Variants in GLIS3 observed in about 807,000 individuals in gnomAD.
GLIS3 encodes zinc finger protein GLIS3.
GLIS3 carries 53 observed loss-of-function variants against 78.6 expected under a neutral mutation model. That is an observed-to-expected ratio of 0.67 (90% CI 0.54 to 0.85). The LOEUF (loss-of-function observed/expected upper bound fraction) is 0.85, where lower values mean the gene tolerates loss of function less well. Among genes scored for constraint, GLIS3 ranks in the 40% least tolerant of loss-of-function variants. The probability of loss-of-function intolerance (pLI) is 0.00; values close to 1 mark genes in which losing one functional copy is unlikely to be tolerated. For synonymous variants in GLIS3, 684 were observed against 509.9 expected (o/e 1.34, Z -4.60); for missense variants, 1,703 against 1,231.1 (o/e 1.38, Z -5.74).
At chr9:3,993,900 T>G (rs1372422573) in intron 4 of GLIS3, among the ~76,000 whole-genome samples, 1 of 152,110 alleles carries the variant, frequency 6.6e-6, no homozygotes, top group Non-Finnish European at 1.5e-5. Context: ...ACAAAGAAAA[T>G]TTTGCCTTAT....
intron 4 of GLIS3, among the ~76,000 whole-genome samples, chr9:4,079,792 G>A (rs1262940205): frequency 6.6e-6 from 1 of 150,716 alleles, no homozygotes; most frequent in Non-Finnish European, 1.5e-5. Context: ...ACAGGTTGCT[G>A]TAATCATTCA....
chr9:4,210,248 T>C (rs947209842), intron 2 of GLIS3, among the ~76,000 whole-genome samples: 2 of 152,238 alleles, frequency 1.3e-5, no homozygotes, highest in Non-Finnish European at 2.9e-5. Flanking sequence ...TTTTGCAATA[T>C]GTAAAGGATT....
the GLIS3 span, chr9:4,386,312 C>T: frequency 6.6e-6 from 1 of 152,036 alleles, no homozygotes; most frequent in East Asian, 1.9e-4. Context: ...ATTTTCATAG[C>T]CAAATCTTTT....
chr9:4,238,625 C>T (rs1050537278), intron 2 of GLIS3, among the ~76,000 whole-genome samples: 1 of 152,198 alleles, frequency 6.6e-6, no homozygotes, highest in Non-Finnish European at 1.5e-5. Context: ...AGTGTTCTCT[C>T]AGTTCTTCAT....
At chr9:4,069,554 T>C (rs1052523153) in intron 4 of GLIS3, among the ~76,000 whole-genome samples, 1 of 152,236 alleles carries the variant, frequency 6.6e-6, no homozygotes, top group African/African-American at 2.4e-5. Context: ...AGGTTTCTTT[T>C]TAACTTATCT....
chr9:4,227,133 C>A (rs1370265765), intron 2 of GLIS3, among the ~76,000 whole-genome samples: 2 of 152,108 alleles, frequency 1.3e-5, no homozygotes, highest in South Asian at 4.1e-4. Context: ...GAAGGAGGCA[C>A]TGGAGCCTCA....
At chr9:4,392,407 T>C in the GLIS3 span, among the ~76,000 whole-genome samples, 3 of 152,152 alleles carry the variant, frequency 2.0e-5, no homozygotes, top group Non-Finnish European at 2.9e-5. Context: ...TAAAATTACA[T>C]TTAAAAAATA....
chr9:4,125,370 G>C (rs16920719), intron 3 of GLIS3, among the ~76,000 whole-genome samples: 3,170 of 152,234 alleles, frequency 0.021, 61 homozygotes, highest in Middle Eastern at 0.041. Flanking sequence ...AAACCTGGCA[G>C]GTAAGATAGG....
intron 3 of GLIS3, among the ~76,000 whole-genome samples, chr9:4,121,822 C>G (rs1046881649): frequency 6.6e-6 from 1 of 152,212 alleles, no homozygotes; most frequent in Admixed American, 6.5e-5. Flanking sequence ...TAAAGTCACA[C>G]AAGCTACGAT....
chr9:4,073,246 C>G (rs1470165404), intron 4 of GLIS3, among the ~76,000 whole-genome samples: 1 of 152,176 alleles, frequency 6.6e-6, no homozygotes, highest in Non-Finnish European at 1.5e-5. Context: ...GCATAGAGCA[C>G]TGACGGCAAC....
At chr9:4,335,381 A>T (rs12350545) in intron 2 of GLIS3, among the ~76,000 whole-genome samples, 328 of 152,374 alleles carry the variant, frequency 2.2e-3, no homozygotes, top group African/African-American at 7.6e-3. Context: ...CAAATGGTTC[A>T]GTTAAAGTAA....
chr9:3,903,033 G>T (rs1489468478), intron 6 of GLIS3, among the ~76,000 whole-genome samples: 1 of 152,142 alleles, frequency 6.6e-6, no homozygotes, highest in Non-Finnish European at 1.5e-5. Flanking sequence ...CTTATGCAGG[G>T]ATGAATATGT....
intron 4 of GLIS3, among the ~76,000 whole-genome samples, chr9:4,052,305 C>A (rs1825800475): frequency 1.3e-5 from 2 of 152,122 alleles, no homozygotes; most frequent in African/African-American, 4.8e-5. Context: ...TCAAACATCA[C>A]AATTGGTTTA....
chr9:4,228,310 A>G (rs1707521151), intron 2 of GLIS3, among the ~76,000 whole-genome samples: 1 of 152,004 alleles, frequency 6.6e-6, no homozygotes, highest in Admixed American at 6.5e-5. Flanking sequence ...CACAACTGAC[A>G]AGGGAGTATA....
At chr9:4,109,627 G>T (rs1292258379) in intron 4 of GLIS3, among the ~76,000 whole-genome samples, 1 of 152,186 alleles carries the variant, frequency 6.6e-6, no homozygotes, top group Non-Finnish European at 1.5e-5. Flanking sequence ...TGCTACCTCA[G>T]TGATGCTACC....
chr9:4,056,898 CTTTTTTTTTTTT>C (rs34752011), intron 4 of GLIS3, among the ~76,000 whole-genome samples: 1 of 98,060 alleles, frequency 1.0e-5, no homozygotes, highest in Non-Finnish European at 2.0e-5. Context: ...CTTCAAGACA[CTTTTTTTTTTTT>C]TTTTTTTTTT....
the GLIS3 span, among the ~76,000 whole-genome samples, chr9:4,481,697 T>A: frequency 6.6e-6 from 1 of 152,202 alleles, no homozygotes; most frequent in African/African-American, 2.4e-5. Context: ...GACAGTTAAG[T>A]TGTTTCCAGC....
chr9:4,455,193 C>A, the GLIS3 span, among the ~76,000 whole-genome samples: 1 of 151,946 alleles, frequency 6.6e-6, no homozygotes, highest in Non-Finnish European at 1.5e-5. Flanking sequence ...TCTTTCACAT[C>A]GGTGAGTCCA....
chr9:3,954,230 C>G (rs984126867), intron 4 of GLIS3, among the ~76,000 whole-genome samples: 1 of 152,098 alleles, frequency 6.6e-6, no homozygotes, highest in African/African-American at 2.4e-5. Context: ...ACTGAGGCAC[C>G]AGGGAGAAAT....
Sources: gnomAD v4.1 joint callset for allele counts (sites outside exome capture counted in the v4.1 genomes callset) on GRCh38, gnomAD v4.1.1 for gene constraint, MANE v1.5 for transcripts, NCBI Gene and HGNC (gene_info 2026-07-23, HGNC 2026-07-21) for gene names.